Variants in SYNJ2 observed in about 807,000 individuals in gnomAD.
The protein encoded by SYNJ2 is polyphosphatidylinositol phosphatase SYNJ2.
SYNJ2 carries 116 observed loss-of-function variants against 141.3 expected under a neutral mutation model. That is an observed-to-expected ratio of 0.82 (90% CI 0.71 to 0.96). SYNJ2 has a LOEUF of 0.96. SYNJ2 is among the 40% of genes least tolerant of loss of function. The probability of loss-of-function intolerance (pLI) is 0.00; values close to 1 mark genes in which losing one functional copy is unlikely to be tolerated. For synonymous variants in SYNJ2, 745 were observed against 777.7 expected, an observed-to-expected ratio of 0.96 and a Z score of 0.70; for missense variants, 1,873 against 1,934.8, an observed-to-expected ratio of 0.97 and a Z score of 0.60.
rs377661147 is a variant in SYNJ2 at position 158,088,918 on chromosome 6, C to CG, written c.3456+147dup. The CG allele has an allele frequency of 1.1e-3, 696 of 614,150 alleles. 5 individuals carry two copies. In the African/African-American group the frequency reaches 0.012, roughly 11 times the overall value. The allele number at this position is 614,150 out of a possible 1,614,324, so 38.0% of individuals were successfully genotyped here. A position where few individuals can be genotyped will look rare whatever the true frequency, so the allele number is the denominator to read the frequency against. ...ATCTCCAAACCCCATAACCCTTCCT[C>CG]GCAGGTTCTCCATAGGGCTTTTAAA... is the stretch of plus-strand genomic sequence containing the variant. On this transcript the variant is annotated intron_variant, in intron 24 of 26. Coordinates refer to ENST00000355585, the MANE Select transcript of SYNJ2 (RefSeq NM_003898.4).
At chr6:158,002,010 T>C (rs749543334) in intron 1 of SYNJ2, among the ~76,000 whole-genome samples, 1 of 152,218 alleles carries the variant, frequency 6.6e-6, no homozygotes, top group African/African-American at 2.4e-5. Flanking sequence ...CCAGCCAGGC[T>C]GTGTCCTCCC....
intron 26 of SYNJ2, chr6:158,094,204 T>C (rs1783654944): frequency 2.0e-6 from 1 of 502,308 alleles, no homozygotes; most frequent in East Asian, 3.2e-5. Flanking sequence ...CCTTACAAAG[T>C]GGACCTTTTT....
At chr6:158,076,827 G>A in intron 17 of SYNJ2, 45 bp downstream of exon 17, 1 of 1,567,948 alleles carries the variant, frequency 6.4e-7, no homozygotes, top group South Asian at 1.1e-5. Context: ...GGGTGAATAA[G>A]AAATGCGACG....
chr6:158,016,641 C>G (rs900423840), intron 1 of SYNJ2, among the ~76,000 whole-genome samples: 1 of 152,182 alleles, frequency 6.6e-6, no homozygotes, highest in South Asian at 2.1e-4. Flanking sequence ...TGGTTCTTCC[C>G]TCTGTCAGTT....
At chr6:158,074,455 TTTCTTTTTTCTAA>T in intron 15 of SYNJ2, 112 bp from the exon 16 acceptor site, 3 of 1,053,922 alleles carry the variant, frequency 2.8e-6, no homozygotes, top group Non-Finnish European at 4.1e-6. Context: ...AGTAGAAAAC[TTTCTTTTTTCTAA>T]GTAGCATTTT....
rs150712168 is a variant in SYNJ2, at chr6:158,063,913, T to A, written c.1209+41T>A. Reference sequence around the variant, plus strand: ...AGCCTTTTCGGCCATCTGTGCCAGGTCCTGTGACTTCAGCTGGACAGGCTG... The same window carrying A: ...AGCCTTTTCGGCCATCTGTGCCAGGACCTGTGACTTCAGCTGGACAGGCTG... On this transcript the variant is annotated intron_variant, in intron 9 of 26. Transcript: ENST00000355585. The A allele has an allele frequency of 1.5e-4, 243 of 1,603,312 alleles. No individual in the cohort carries two copies. In the East Asian group the frequency reaches 5.4e-3, roughly 35 times the overall value.
intron 24 of SYNJ2, 114 bp from the exon 25 acceptor site, chr6:158,089,725 A>G: frequency 1.5e-6 from 1 of 658,752 alleles, no homozygotes; most frequent in Non-Finnish European, 2.7e-6. Flanking sequence ...TGGAGTTTGT[A>G]TGGTCAGCAT....
At chr6:158,018,498 CTG>C (rs1278708058) in intron 2 of SYNJ2, among the ~76,000 whole-genome samples, 1 of 152,206 alleles carries the variant, frequency 6.6e-6, no homozygotes, top group Admixed American at 6.5e-5. Context: ...TTTTCAGAGA[CTG>C]AGGATGTTTA....
Position 158,032,768 on chromosome 6 carries a change from T to G in SYNJ2, c.486-687T>G, listed in dbSNP as rs182582677. ...TTAATCCACCCCAAAGTACTTAGAA[T>G]GGGGCTTAGTGCACAGGATAAATGT... On this transcript the variant is annotated intron_variant, in intron 3 of 26. Transcript: ENST00000355585. 6.6e-5 allele frequency among the ~76,000 whole-genome samples: 10 copies of G among 152,322 alleles called. 2 individuals are homozygous for G. The South Asian group carries it at 1.4e-3, about 22-fold the overall frequency.
At chr6:158,026,789 C>T (rs1268352959) in intron 2 of SYNJ2, 11 of 980,192 alleles carry the variant, frequency 1.1e-5, no homozygotes, top group African/African-American at 1.8e-5. Context: ...TCTCCGAGGG[C>T]ACTTCTGCTG....
At chr6:157,983,120 C>T (rs1777074734) in intron 1 of SYNJ2, among the ~76,000 whole-genome samples, 2 of 152,246 alleles carry the variant, frequency 1.3e-5, no homozygotes, top group Admixed American at 1.3e-4. Context: ...ATGCAGCAGG[C>T]TGCTTTGTAG....
intron 1 of SYNJ2, among the ~76,000 whole-genome samples, chr6:158,012,798 A>G (rs928386383): frequency 6.6e-6 from 1 of 152,166 alleles, no homozygotes; most frequent in Non-Finnish European, 1.5e-5. Context: ...CTGAGAACCT[A>G]ATATCCCAGG....
rs745661096 is a variant in SYNJ2, at chr6:158,076,643, C to T, written c.2310C>T (p.His770=). The change falls in exon 17 of 27, where the codon CAC becomes CAT. Residue 770 remains histidine (H), a synonymous_variant. Transcript: ENST00000355585. ...CCCAATAGATTTTTAAGGACTTTCA[C>T]GAAGGAGCCATTAACTTTGGACCCA... The part of the protein sequence containing the change: ...KSSGKIFKDF[H]EGAINFGPTY... The T allele has an allele frequency of 1.1e-5, 18 of 1,613,214 alleles. No homozygotes were observed. Among genetic ancestry groups the T allele is most frequent in the East Asian group, 4.5e-5 (2 of 44,866 alleles).
chr6:158,063,083 C>T (rs1247581393), intron 8 of SYNJ2, among the ~76,000 whole-genome samples: 1 of 152,112 alleles, frequency 6.6e-6, no homozygotes, highest in Non-Finnish European at 1.5e-5. Context: ...ATACATAAAA[C>T]AAGGTTGTAT....
chr6:158,017,037 A>C, intron 1 of SYNJ2, 167 bp from the exon 2 acceptor site: 4 of 1,331,900 alleles, frequency 3.0e-6, no homozygotes, highest in East Asian at 2.9e-5. Context: ...CAGCTCTGTG[A>C]TTCGCGAATC....
At chr6:158,064,473 C>G (rs1781433432) in intron 9 of SYNJ2, 128 bp from the exon 10 acceptor site, 12 of 1,195,396 alleles carry the variant, frequency 1.0e-5, no homozygotes. Flanking sequence ...TCCTCATCCT[C>G]TGGAGGGGCA....
At chr6:158,025,218 G>C (rs9456983) in intron 2 of SYNJ2, among the ~76,000 whole-genome samples, 2,599 of 152,160 alleles carry the variant, frequency 0.017, 61 homozygotes, top group African/African-American at 0.06. Context: ...GAGATCTCTG[G>C]GCACAAACCC....
chr6:158,066,845 G>A (rs1002591242), intron 12 of SYNJ2, among the ~76,000 whole-genome samples: 1 of 152,182 alleles, frequency 6.6e-6, no homozygotes, highest in Admixed American at 6.5e-5. Flanking sequence ...AGAAGAGTTA[G>A]CAGATGGTGA....
rs575889952 is a variant in SYNJ2 at position 158,071,917 on chromosome 6, C to T, written c.2133+123C>T. ...GAGGGCCCCTTCCTGGAGGGCTCAG[C>T]GCTGGGGGAGGGGGAGAGGGCTATG... is the stretch of plus-strand genomic sequence containing the variant. On this transcript the variant is annotated intron_variant, in intron 15 of 26. Coordinates refer to ENST00000355585, the MANE Select transcript of SYNJ2 (RefSeq NM_003898.4). The surrounding 1 kb of genome is among the most constrained non-coding windows in gnomAD (Gnocchi z 4.3). The T allele has an allele frequency of 2.6e-5, 30 of 1,168,560 alleles. No individual in the cohort carries two copies. The highest frequency in any genetic ancestry group is 2.8e-4 in the Middle Eastern group (1 of 3,542). The allele number at this position is 1,168,560 out of a possible 1,614,324, so 72.4% of individuals were successfully genotyped here. A position where few individuals can be genotyped will look rare whatever the true frequency, so the allele number is the denominator to read the frequency against.
Sources: gnomAD v4.1 joint callset for allele counts (sites outside exome capture counted in the v4.1 genomes callset) on GRCh38, gnomAD v4.1.1 for gene constraint, Gnocchi (gnomAD v3.1) non-coding constraint, MANE v1.5 for transcripts, NCBI Gene and HGNC (gene_info 2026-07-23, HGNC 2026-07-21) for gene names.